Variants in RYR2 observed in about 807,000 individuals in gnomAD.
RYR2 encodes the protein ryanodine receptor 2, also known as cardiac muscle ryanodine receptor-calcium release channel.
Under a neutral mutation model 601.1 loss-of-function variants are expected in RYR2, and 227 were observed. That is an observed-to-expected ratio of 0.38 (90% CI 0.34 to 0.42). The LOEUF (loss-of-function observed/expected upper bound fraction) is 0.42. Ranked by LOEUF, RYR2 falls within the 10% of genes least tolerant of loss-of-function variation. RYR2 has a pLI of 1.00. For missense variants in RYR2, 4,646 were observed against 6,156.5 expected (o/e 0.75, Z 8.21); for synonymous variants, 2,223 against 2,175.1 (o/e 1.02, Z -0.61).
rs1700216900 is a variant in RYR2, at chr1:237,366,649, T to G, written c.309+2277T>G. ...AGAACAAAATATAGAGCCAGTAATT[T>G]TAATGTGTGTGTAAACCTCTTTAGT... is the stretch of plus-strand genomic sequence containing the variant. On this transcript the variant is annotated intron_variant, in intron 5 of 104. Transcript: ENST00000366574. Among the ~76,000 whole-genome samples the G allele has an allele frequency of 2.0e-5, 3 of 151,542 alleles. 1 individual carries two copies. The South Asian group carries it at 6.3e-4, about 32-fold the overall frequency.
At position 237,707,251 on chromosome 1, in the gene RYR2, T is replaced by C; in HGVS notation, c.9883T>C (p.Trp3295Arg). 1 of 1,542,604 alleles carries C rather than the reference T, an allele frequency of 6.5e-7. No individual in the cohort carries two copies. Among genetic ancestry groups the C allele is most frequent in the Non-Finnish European group, 8.8e-7 (1 of 1,134,992 alleles). ...YNNLGIDEGA[W>R]MKRLAVFSQP... is the part of the protein sequence containing the mutation. ...TAACTTGGGGATTGATGAGGGAGCC[T>C]GGATGAAGAGGCTAGCAGGTAAGAA... Residue 3295 changes from tryptophan to arginine, a missense_variant, in exon 68 of 105, where the codon TGG becomes CGG. By Grantham distance (101) the Trp-to-Arg change is moderately radical. This residue lies in a region of RYR2 where 1,497 missense variants were observed against 1,842.6 expected (regional missense o/e 0.81). Transcript: ENST00000366574.
chr1:237,074,227 G>C (rs1398752179), intron 1 of RYR2, among the ~76,000 whole-genome samples: 1 of 152,164 alleles, frequency 6.6e-6, no homozygotes, highest in African/African-American at 2.4e-5. Context: ...TGAGGCAGGA[G>C]GACCATTTGA....
intron 2 of RYR2, among the ~76,000 whole-genome samples, chr1:237,322,867 A>T (rs994037402): frequency 6.6e-6 from 1 of 151,188 alleles, no homozygotes; most frequent in African/African-American, 2.4e-5. Flanking sequence ...TTTTTTTTAA[A>T]AAAAAAAACC....
chr1:237,380,902 G>T (rs1572061021), intron 8 of RYR2, among the ~76,000 whole-genome samples: 1 of 151,776 alleles, frequency 6.6e-6, no homozygotes, highest in African/African-American at 2.4e-5. Context: ...ACATGGTGAA[G>T]CCCCGTCTCT....
At chr1:237,208,954 A>G (rs1303133843) in intron 1 of RYR2, among the ~76,000 whole-genome samples, 2,141 of 93,336 alleles carry the variant, frequency 0.023, 167 homozygotes, top group African/African-American at 0.065. Flanking sequence ...ATATATATAT[A>G]TATATATATA....
At chr1:237,762,009 A>G (rs1393358850) in intron 84 of RYR2, among the ~76,000 whole-genome samples, 1 of 152,228 alleles carries the variant, frequency 6.6e-6, no homozygotes. Flanking sequence ...ACAAATAGGA[A>G]AAACAACATT....
intron 2 of RYR2, among the ~76,000 whole-genome samples, chr1:237,289,982 T>G (rs1415340061): frequency 6.6e-6 from 1 of 152,202 alleles, no homozygotes. Context: ...GTTTGTCAGT[T>G]CCTTATAAAA....
chr1:237,802,639 C>G (rs1037333722), intron 98 of RYR2, among the ~76,000 whole-genome samples: 1 of 152,204 alleles, frequency 6.6e-6, no homozygotes, highest in African/African-American at 2.4e-5. Context: ...TATTAATACA[C>G]TATCTTACAA....
chr1:237,682,146 C>G (rs1229292944), intron 62 of RYR2, among the ~76,000 whole-genome samples: 1 of 152,162 alleles, frequency 6.6e-6, no homozygotes, highest in Non-Finnish European at 1.5e-5. Context: ...TATATCGAAG[C>G]ATCCAATTGT....
chr1:237,200,206 G>T (rs1381240182), intron 1 of RYR2, among the ~76,000 whole-genome samples: 1 of 152,016 alleles, frequency 6.6e-6, no homozygotes, highest in Admixed American at 6.6e-5. Context: ...ATTTTTAATA[G>T]CCTCAGTTTT....
chr1:237,526,034 C>G (rs1295831875), intron 24 of RYR2, among the ~76,000 whole-genome samples: 1 of 151,842 alleles, frequency 6.6e-6, no homozygotes, highest in African/African-American at 2.4e-5. Context: ...GGGTAGGTAT[C>G]CAGTTGTGGG....
At chr1:237,666,461 C>CT in intron 56 of RYR2, 51 bp from the exon 57 acceptor site, 1 of 1,490,178 alleles carries the variant, frequency 6.7e-7, no homozygotes, top group Non-Finnish European at 9.2e-7. Flanking sequence ...AGTTAAGTCT[C>CT]TCTTCACAAG....
Position 237,589,896 on chromosome 1 carries a change from G to C in RYR2, c.3702G>C (p.Glu1234Asp). ...ATTTCACCATCTGTGGCTTACAAGA[G>C]GGCTATGAACCATTTGCCGTTAATA... The part of the protein sequence containing the change: ...LKYFTICGLQ[E>D]GYEPFAVNTN... Residue 1234 changes from glutamate to aspartate, a missense_variant, in exon 30 of 105, where the codon GAG becomes GAC. Physicochemically the swap from Glu to Asp is conservative, Grantham distance 45. Transcript: ENST00000366574. 2 of 1,613,906 alleles carry C rather than the reference G, an allele frequency of 1.2e-6. No individual in the cohort carries two copies. The highest frequency in any genetic ancestry group is 8.5e-7 in the Non-Finnish European group (1 of 1,179,880).
Position 237,614,014 on chromosome 1 carries a change from A to G in RYR2, c.4911-25A>G, listed in dbSNP as rs775836275. ...TAAAAAATCATTCATTTCTAATCTT[A>G]CTACCACTCTCCTCCCTTCTACAGA... On this transcript the variant is annotated intron_variant, in intron 36 of 104. Coordinates refer to ENST00000366574, the MANE Select transcript of RYR2 (RefSeq NM_001035.3). The surrounding 1 kb of genome is among the most constrained non-coding windows in gnomAD (Gnocchi z 4.3). The G allele has an allele frequency of 3.2e-6, 5 of 1,584,716 alleles. No homozygotes were observed. In the African/African-American group the frequency reaches 6.7e-5, roughly 21 times the overall value.
chr1:237,385,674 A>ATG (rs771072962), intron 8 of RYR2, among the ~76,000 whole-genome samples: 3 of 152,182 alleles, frequency 2.0e-5, no homozygotes, highest in South Asian at 2.1e-4. Context: ...ATGGATTTGT[A>ATG]TGTGTGTGTG....
At chr1:237,795,860 A>ATGTG (rs750864880) in intron 96 of RYR2, among the ~76,000 whole-genome samples, 49 of 138,822 alleles carry the variant, frequency 3.5e-4, no homozygotes, top group African/African-American at 1.2e-3. Context: ...GTATATGTAT[A>ATGTG]TATATATATA....
intron 87 of RYR2, among the ~76,000 whole-genome samples, chr1:237,775,075 C>CAAAAAAAAAAAAA (rs5781992): frequency 5.5e-5 from 5 of 90,434 alleles, no homozygotes; most frequent in Admixed American, 1.3e-4. Flanking sequence ...CAATAAGAAC[C>CAAAAAAAAAAAAA]AAAAAAAAAA....
At chr1:237,181,207 C>T (rs1345079682) in intron 1 of RYR2, among the ~76,000 whole-genome samples, 1 of 152,084 alleles carries the variant, frequency 6.6e-6, no homozygotes, top group South Asian at 2.1e-4. Context: ...TGGTCTTGAA[C>T]TCCTGACCTC....
chr1:237,718,737 G>GA (rs924133290), intron 73 of RYR2, among the ~76,000 whole-genome samples: 6 of 152,156 alleles, frequency 3.9e-5, no homozygotes, highest in South Asian at 4.2e-4. Flanking sequence ...TCAAATTTTG[G>GA]AAAAAATATA....
Sources: allele counts gnomAD v4.1 joint callset (sites outside exome capture counted in the v4.1 genomes callset), GRCh38; gene constraint gnomAD v4.1.1; regional missense constraint gnomAD v4.1.1; non-coding constraint Gnocchi (gnomAD v3.1); transcripts MANE v1.5; gene names NCBI Gene and HGNC (gene_info 2026-07-23, HGNC 2026-07-21).